Variants in BCAS3 observed in about 807,000 individuals in gnomAD.
BCAS3 encodes the protein BCAS4/BCAS3 fusion.
Under a neutral mutation model 116.1 loss-of-function variants are expected in BCAS3, and 53 were observed. That is an observed-to-expected ratio of 0.46 (90% CI 0.37 to 0.57). The LOEUF (loss-of-function observed/expected upper bound fraction) is 0.57, where lower values mean the gene tolerates loss of function less well. BCAS3 is among the 20% of genes least tolerant of loss of function. BCAS3 has a pLI of 0.00. For missense variants in BCAS3, 917 were observed against 1,165.4 expected (o/e 0.79, Z 3.10); for synonymous variants, 391 against 408.2 (o/e 0.96, Z 0.51).
In BCAS3 at chr17:61,136,253, C is replaced by T. The variant is rs541455127; in HGVS notation, c.2425+51689C>T. On this transcript the variant is annotated intron_variant, in intron 22 of 23. Coordinates refer to ENST00000407086, the MANE Select transcript of BCAS3 (RefSeq NM_017679.5). This position sits in a 1 kb window ranked among gnomAD's most constrained non-coding sequence, Gnocchi z 4.4. ...TCTTCCAATATTTTTACTTAAGCAT[C>T]CCCTCTTCTTCTCTGCACCTGGAGC... Among the ~76,000 whole-genome samples, 1 of 151,218 alleles carries T rather than the reference C, an allele frequency of 6.6e-6. No homozygotes were observed. The highest frequency in any genetic ancestry group is 6.6e-5 in the Admixed American group (1 of 15,250).
chr17:60,963,008 T>C (rs188003030), intron 14 of BCAS3, among the ~76,000 whole-genome samples: 1 of 152,334 alleles, frequency 6.6e-6, no homozygotes, highest in African/African-American at 2.4e-5. Flanking sequence ...TTTTACCTTC[T>C]TATGTTCTTG....
chr17:60,759,627 CTTCT>C (rs144635933), intron 6 of BCAS3, among the ~76,000 whole-genome samples: 83,946 of 134,864 alleles, frequency 0.62, 27,484 homozygotes, highest in East Asian at 0.94. Context: ...TACATAGTGA[CTTCT>C]TTTTTTTTTT....
intron 7 of BCAS3, 27 bp from the exon 8 acceptor site, chr17:60,868,549 C>A: frequency 1.4e-6 from 2 of 1,422,386 alleles, no homozygotes; most frequent in Non-Finnish European, 1.9e-6. Context: ...AAAAAAATGA[C>A]ATTTTTCTTT....
intron 22 of BCAS3, among the ~76,000 whole-genome samples, chr17:61,340,884 C>A (rs575514256): frequency 6.6e-6 from 1 of 152,242 alleles, no homozygotes; most frequent in East Asian, 1.9e-4. Flanking sequence ...GGAGAAGAGA[C>A]AACAGTCAGT....
intron 7 of BCAS3, among the ~76,000 whole-genome samples, chr17:60,829,146 A>G (rs974899282): frequency 1.3e-5 from 2 of 152,242 alleles, no homozygotes; most frequent in Admixed American, 1.3e-4. Flanking sequence ...TCTAGCAAGG[A>G]GAGTGAAACA....
At chr17:60,706,759 A>AG (rs2037191051) in intron 4 of BCAS3, among the ~76,000 whole-genome samples, 1 of 149,216 alleles carries the variant, frequency 6.7e-6, no homozygotes, top group African/African-American at 2.6e-5. Context: ...ACTCTGTCTC[A>AG]AAAAACAAAA....
chr17:60,981,614 GA>G (rs2145400969), intron 14 of BCAS3, among the ~76,000 whole-genome samples: 1 of 152,220 alleles, frequency 6.6e-6, no homozygotes, highest in African/African-American at 2.4e-5. Context: ...TGATAGCAGT[GA>G]AAACAGACAT....
chr17:60,923,370 C>T (rs1397711830), intron 12 of BCAS3, among the ~76,000 whole-genome samples: 2 of 152,146 alleles, frequency 1.3e-5, no homozygotes, highest in African/African-American at 4.8e-5. Context: ...CAAATACTAT[C>T]TCAGTGCTTA....
At chr17:60,963,820 G>C (rs2061530902) in intron 14 of BCAS3, among the ~76,000 whole-genome samples, 1 of 152,186 alleles carries the variant, frequency 6.6e-6, no homozygotes, top group Admixed American at 6.5e-5. Flanking sequence ...CTCCCAAAGT[G>C]CTGGGATTAC....
At chr17:60,835,387 C>T (rs2051283656) in intron 7 of BCAS3, among the ~76,000 whole-genome samples, 1 of 151,900 alleles carries the variant, frequency 6.6e-6, no homozygotes. Context: ...TATTTGGAAA[C>T]CTGATGTTAC....
At chr17:60,881,006 G>A (rs559441471) in intron 9 of BCAS3, among the ~76,000 whole-genome samples, 8 of 151,780 alleles carry the variant, frequency 5.3e-5, no homozygotes, top group South Asian at 2.1e-4. Flanking sequence ...ACGGAGTCTC[G>A]CTCTGTCACC....
chr17:60,779,992 A>ATTT (rs531877992), intron 6 of BCAS3, among the ~76,000 whole-genome samples: 1 of 143,912 alleles, frequency 6.9e-6, no homozygotes, highest in Non-Finnish European at 1.5e-5. Flanking sequence ...ACTATTTTTA[A>ATTT]TTTTTTTTTT....
chr17:61,326,530 T>A lies in BCAS3; in HGVS notation c.2426-41797T>A, dbSNP rs930406072. 2.0e-5 allele frequency among the ~76,000 whole-genome samples: 3 copies of A among 152,144 alleles called. No individual in the cohort carries two copies. Among genetic ancestry groups the A allele is most frequent in the Admixed American group, 2.0e-4 (3 of 15,280 alleles). On this transcript the variant is annotated intron_variant, in intron 22 of 23. Transcript: ENST00000407086. This position sits in a 1 kb window ranked among gnomAD's most constrained non-coding sequence, Gnocchi z 5.3. ...GTCGAGTAGAACATGATGGAATGGA[T>A]TAGGCTGGCCCAGTAGCAAATAGAA...
At position 61,017,410 on chromosome 17, in the gene BCAS3, AC is replaced by A. The variant is rs2065533466; in HGVS notation, c.1637+1510del. Among the ~76,000 whole-genome samples the A allele has an allele frequency of 6.6e-6, 1 of 152,194 alleles. No individual in the cohort carries two copies. Among genetic ancestry groups the A allele is most frequent in the Non-Finnish European group, 1.5e-5 (1 of 68,024 alleles). On this transcript the variant is annotated intron_variant, in intron 16 of 23. Coordinates refer to ENST00000407086, the MANE Select transcript of BCAS3 (RefSeq NM_017679.5). This position sits in a 1 kb window ranked among gnomAD's most constrained non-coding sequence, Gnocchi z 4.7. ...CATTGTACAATTCTCCAAAGTACTTACAAATTTTAGCCTGTCTTTTCTGAAT... is the reference window on the plus strand; with the variant it reads ...CATTGTACAATTCTCCAAAGTACTTAAAATTTTAGCCTGTCTTTTCTGAAT...
rs1358766369 is a variant in BCAS3 at position 61,029,868 on chromosome 17, A to G, written c.1638-4798A>G. Among the ~76,000 whole-genome samples, 1 of 151,980 alleles carries G rather than the reference A, an allele frequency of 6.6e-6. No homozygotes were observed. Among genetic ancestry groups the G allele is most frequent in the Non-Finnish European group, 1.5e-5 (1 of 67,918 alleles). On this transcript the variant is annotated intron_variant, in intron 16 of 23. Transcript: ENST00000407086. This position sits in a 1 kb window ranked among gnomAD's most constrained non-coding sequence, Gnocchi z 5.2. ...AAATATTTTAAAATTTTATGATTTCATTTTTTGAAAGATACGATTTATATG... is the reference window on the plus strand; with the variant it reads ...AAATATTTTAAAATTTTATGATTTCGTTTTTTGAAAGATACGATTTATATG...
chr17:61,119,253 AAGAG>A (rs1471543254), intron 22 of BCAS3, among the ~76,000 whole-genome samples: 1 of 152,210 alleles, frequency 6.6e-6, no homozygotes, highest in Non-Finnish European at 1.5e-5. Context: ...ACATACATAA[AAGAG>A]AGCTATGTAG....
chr17:60,738,304 T>A (rs912647270), intron 5 of BCAS3, among the ~76,000 whole-genome samples: 1 of 152,206 alleles, frequency 6.6e-6, no homozygotes, highest in African/African-American at 2.4e-5. Flanking sequence ...TAGAGGGGTG[T>A]TAGAGTCTCT....
chr17:60,686,666 C>G (rs1179065022), intron 3 of BCAS3, among the ~76,000 whole-genome samples: 2 of 152,048 alleles, frequency 1.3e-5, no homozygotes, highest in African/African-American at 4.8e-5. Flanking sequence ...GCTGGGATTG[C>G]AGGCATGTGC....
intron 22 of BCAS3, among the ~76,000 whole-genome samples, chr17:61,255,006 C>T (rs1568678653): frequency 6.6e-6 from 1 of 152,054 alleles, no homozygotes; most frequent in Non-Finnish European, 1.5e-5. Flanking sequence ...TTGTGTCATC[C>T]TACTTTCTTT....
Sources: allele counts gnomAD v4.1 joint callset (sites outside exome capture counted in the v4.1 genomes callset), GRCh38; gene constraint gnomAD v4.1.1; non-coding constraint Gnocchi (gnomAD v3.1); transcripts MANE v1.5; gene names NCBI Gene and HGNC (gene_info 2026-07-23, HGNC 2026-07-21).